Variants in ABCA4 observed in about 807,000 individuals in gnomAD.
The protein encoded by ABCA4 is ATP binding cassette subfamily A member 4, also known as retinal-specific phospholipid-transporting ATPase ABCA4.
In ABCA4, 196 loss-of-function variants were observed where a neutral mutation model predicts 263.7. That is an observed-to-expected ratio of 0.74 (90% CI 0.66 to 0.84). ABCA4 has a LOEUF of 0.84. ABCA4 is among the 40% of genes least tolerant of loss of function. The pLI is 0.00. For missense variants in ABCA4, 2,792 were observed against 2,855.1 expected, an observed-to-expected ratio of 0.98 and a Z score of 0.50; for synonymous variants, 1,133 against 1,094.2, an observed-to-expected ratio of 1.04 and a Z score of -0.70.
At position 94,103,117 on chromosome 1, in the gene ABCA4, G is replaced by A. The variant is rs148091207; in HGVS notation, c.468C>T (p.Ile156=). ...GTGTCAGTGTTTCTTCATCTTTCAAGATATCCCTTATTCGTATTCCTCTTC... is the reference window on the plus strand; with the variant it reads ...GTGTCAGTGTTTCTTCATCTTTCAAAATATCCCTTATTCGTATTCCTCTTC... ...IAGRGIRIRD[I]LKDEETLTLF... Residue 156 remains isoleucine, a synonymous_variant, in exon 5 of 50, where the codon ATC becomes ATT. Transcript: ENST00000370225. 3.7e-4 allele frequency: 600 copies of A among 1,614,084 alleles called. 3 individuals carry two copies. In the African/African-American group the frequency reaches 6.2e-3, roughly 17 times the overall value.
At chr1:94,106,452 C>G (rs980523230) in intron 4 of ABCA4, among the ~76,000 whole-genome samples, 1 of 152,168 alleles carries the variant, frequency 6.6e-6, no homozygotes, top group East Asian at 1.9e-4. Context: ...CCGCCAGGAG[C>G]TGGACAGCCC....
At chr1:94,002,682 G>A (rs576867246) in intron 44 of ABCA4, among the ~76,000 whole-genome samples, 2 of 152,230 alleles carry the variant, frequency 1.3e-5, no homozygotes, top group African/African-American at 4.8e-5. Context: ...TTCCTCCCTA[G>A]GTGTGCACGT....
chr1:94,113,533 G>A (rs1662668417), intron 1 of ABCA4, among the ~76,000 whole-genome samples: 2 of 152,236 alleles, frequency 1.3e-5, no homozygotes, highest in African/African-American at 4.8e-5. Flanking sequence ...CAGGTGACCT[G>A]TGCAGTGTCA....
At position 94,073,808 on chromosome 1, in the gene ABCA4, A is replaced by G. The variant is rs748623916; in HGVS notation, c.1554+3882T>C. Among the ~76,000 whole-genome samples, 11 of 145,860 alleles carry G rather than the reference A, an allele frequency of 7.5e-5. 1 individual carries two copies. Among genetic ancestry groups the G allele is most frequent in the Non-Finnish European group, 1.1e-4 (7 of 66,342 alleles). On this transcript the variant is annotated intron_variant, in intron 11 of 49. Transcript: ENST00000370225. ...CATTTATGTCACGATACGAATGTCA[A>G]GTAGACAAGGAGTATTCTTTATATA...
chr1:94,007,798 G>A (rs1659433258), intron 42 of ABCA4, 58 bp from the exon 43 acceptor site: 1 of 1,498,458 alleles, frequency 6.7e-7, no homozygotes, highest in Non-Finnish European at 9.3e-7. Flanking sequence ...TAAAATGTCA[G>A]GCCCCAGGGT....
chr1:94,036,088 A>C lies in ABCA4; in HGVS notation c.3862+652T>G, dbSNP rs376921850. Among the ~76,000 whole-genome samples, 16 of 152,240 alleles carry C rather than the reference A, an allele frequency of 1.1e-4. No homozygotes were observed. The South Asian group carries it at 3.3e-3, about 32-fold the overall frequency. ...TTAAGGACTCTGCCAGCTGTCACTC[A>C]TGCAGACAGAGATGGATCAGAGGCC... On this transcript the variant is annotated intron_variant, in intron 26 of 49. Coordinates refer to ENST00000370225, the MANE Select transcript of ABCA4 (RefSeq NM_000350.3).
At chr1:94,039,447 C>T (rs925550009) in intron 24 of ABCA4, among the ~76,000 whole-genome samples, 1 of 152,222 alleles carries the variant, frequency 6.6e-6, no homozygotes, top group Non-Finnish European at 1.5e-5. Context: ...TGGGAATACG[C>T]TTCTCACACA....
At chr1:94,028,571 C>G (rs948921876) in intron 30 of ABCA4, among the ~76,000 whole-genome samples, 1 of 152,136 alleles carries the variant, frequency 6.6e-6, no homozygotes, top group Admixed American at 6.5e-5. Context: ...ATGGTGAAAA[C>G]TAAAAAACCT....
In ABCA4 at chr1:94,002,056, C is replaced by T. The variant is rs1659204157; in HGVS notation, c.6148-64G>A. ...CAAACACCCCAAACCTCCCCCAGTTCAAAGCCTTGGGCTCCCAGATCTCAC... is the reference window on the plus strand; with the variant it reads ...CAAACACCCCAAACCTCCCCCAGTTTAAAGCCTTGGGCTCCCAGATCTCAC... On this transcript the variant is annotated intron_variant, in intron 44 of 49. Transcript: ENST00000370225. The T allele has an allele frequency of 2.5e-6, 4 of 1,611,756 alleles. No homozygotes were observed. In the African/African-American group the frequency reaches 5.3e-5, roughly 22 times the overall value.
intron 36 of ABCA4, among the ~76,000 whole-genome samples, chr1:94,017,713 G>A (rs537284472): frequency 2.0e-5 from 3 of 152,120 alleles, no homozygotes; most frequent in Non-Finnish European, 4.4e-5. Context: ...CATCGGACGT[G>A]CTGAGGGGTG....
rs374931400 is a variant in ABCA4 at position 94,062,671 on chromosome 1, C to A, written c.1843G>T (p.Val615Phe). The change falls in exon 13 of 50, where the codon GTT becomes TTT. Residue 615 changes from valine (V) to phenylalanine (F), a missense_variant. Val to Phe is a conservative substitution (Grantham distance 50). Transcript: ENST00000370225. ...TGGCTCCTTGTGATCCCCTGTTCAA[C>A]CATGTCCTGCAGATAGGCAAACCCG... Reference protein sequence around the residue: ...WGGFAYLQDMVEQGITRSQVQ... With the variant: ...WGGFAYLQDMFEQGITRSQVQ... 10 of 1,614,056 alleles carry A rather than the reference C, an allele frequency of 6.2e-6. No homozygotes were observed. Among genetic ancestry groups the A allele is most frequent in the Non-Finnish European group, 8.5e-6 (10 of 1,180,048 alleles).
At chr1:94,014,759 A>G in intron 37 of ABCA4, 69 bp from the exon 38 acceptor site, 2 of 1,591,714 alleles carry the variant, frequency 1.3e-6, no homozygotes, top group Non-Finnish European at 1.7e-6. Flanking sequence ...ACGTCTGGAT[A>G]TAATGCACTC....
Position 94,083,522 on chromosome 1 carries a change from A to G in ABCA4, c.769-81T>C, listed in dbSNP as rs1484206538. On this transcript the variant is annotated intron_variant, in intron 6 of 49. Transcript: ENST00000370225. ...ACACATAGGCACAGTCTGATCTCCTATATGTTTGAAAACTCCCCCCCTCCT... is the reference window on the plus strand; with the variant it reads ...ACACATAGGCACAGTCTGATCTCCTGTATGTTTGAAAACTCCCCCCCTCCT... The G allele has an allele frequency of 3.7e-6, 4 of 1,083,894 alleles. No homozygotes were observed. The African/African-American group carries it at 4.7e-5, about 13-fold the overall frequency. The allele number at this position is 1,083,894 out of a possible 1,614,324, so 67.1% of individuals were successfully genotyped here. A position where few individuals can be genotyped will look rare whatever the true frequency, so the allele number is the denominator to read the frequency against.
chr1:94,024,975 T>C lies in ABCA4; in HGVS notation c.4613A>G (p.Tyr1538Cys), dbSNP rs1427105205. The change falls in exon 31 of 50, where the codon TAT (tyrosine) becomes TGT (cysteine). Residue 1538 changes from tyrosine (Y) to cysteine (C), a missense_variant. Coordinates refer to ENST00000370225, the MANE Select transcript of ABCA4 (RefSeq NM_000350.3). ...TTACCTGCTTCTTATAAGAGCAGGA[T>C]ACGTTTTTACCAAGAAGTCGGAGAT... is the stretch of plus-strand genomic sequence containing the variant. The part of the protein sequence containing the change: ...RNISDFLVKT[Y>C]PALIRSSLKS... 6.2e-7 allele frequency: 1 copy of C among 1,614,190 alleles called. No individual in the cohort carries two copies. The highest frequency in any genetic ancestry group is 8.5e-7 in the Non-Finnish European group (1 of 1,179,988).
intron 16 of ABCA4, among the ~76,000 whole-genome samples, chr1:94,053,953 T>C (rs1660905557): frequency 6.6e-6 from 1 of 152,218 alleles, no homozygotes. Flanking sequence ...TCCCTCCCCA[T>C]GGACTGGACC....
At chr1:94,034,964 C>A (rs915043165) in intron 26 of ABCA4, among the ~76,000 whole-genome samples, 19 of 152,118 alleles carry the variant, frequency 1.2e-4, no homozygotes, top group Non-Finnish European at 2.5e-4. Context: ...CTCCATTTTG[C>A]AGATGGGGAA....
At chr1:94,023,592 C>A (rs1305888418) in intron 31 of ABCA4, among the ~76,000 whole-genome samples, 174 bp from the exon 32 acceptor site, 1 of 152,212 alleles carries the variant, frequency 6.6e-6, no homozygotes, top group African/African-American at 2.4e-5. Flanking sequence ...TGCCTGAATA[C>A]ACATGCAGAG....
At chr1:94,008,557 T>C (rs1279508062) in intron 41 of ABCA4, among the ~76,000 whole-genome samples, 194 bp downstream of exon 41, 1 of 152,078 alleles carries the variant, frequency 6.6e-6, no homozygotes, top group African/African-American at 2.4e-5. Flanking sequence ...GTGCCCGAGA[T>C]GAATAGCAGG....
At chr1:94,038,186 C>T (rs771889439) in intron 24 of ABCA4, among the ~76,000 whole-genome samples, 2 of 152,014 alleles carry the variant, frequency 1.3e-5, no homozygotes, top group African/African-American at 2.4e-5. Flanking sequence ...GTAGGATATG[C>T]GGTGCGTATC....
Sources: gnomAD v4.1 joint callset for allele counts (sites outside exome capture counted in the v4.1 genomes callset) on GRCh38, gnomAD v4.1.1 for gene constraint, MANE v1.5 for transcripts, NCBI Gene and HGNC (gene_info 2026-07-23, HGNC 2026-07-21) for gene names.